TASOR: variants seen among roughly 807,000 people sequenced by gnomAD.
The protein encoded by TASOR is protein TASOR.
In TASOR, 53 loss-of-function variants were observed where a neutral mutation model predicts 178.6. The ratio of observed to expected loss-of-function variants is 0.30; its 90% CI spans 0.24 to 0.37. The LOEUF (loss-of-function observed/expected upper bound fraction) is 0.37, where lower values mean the gene tolerates loss of function less well. Ranked by LOEUF, TASOR falls within the 10% of genes least tolerant of loss-of-function variation. The pLI is 1.00. For synonymous variants in TASOR, 713 were observed against 696.2 expected (o/e 1.02, Z -0.38); for missense variants, 1,815 against 1,971.4 (o/e 0.92, Z 1.50).
intron 2 of TASOR, among the ~76,000 whole-genome samples, chr3:56,673,258 T>C (rs553885327): frequency 6.6e-6 from 1 of 152,126 alleles, no homozygotes; most frequent in South Asian, 2.1e-4. Flanking sequence ...AAAAAAGAGA[T>C]GTCATTTAAA....
chr3:56,674,662 T>C (rs541704489), intron 1 of TASOR, among the ~76,000 whole-genome samples: 1 of 152,334 alleles, frequency 6.6e-6, no homozygotes, highest in South Asian at 2.1e-4. Context: ...CTAGCATTAC[T>C]GGCTTGGAGT....
Position 56,673,671 on chromosome 3 carries a change from A to G in TASOR, c.386T>C (p.Ile129Thr). The change falls in exon 2 of 24, where the codon ATT becomes ACT. Residue 129 changes from isoleucine (I) to threonine (T), a missense_variant. Coordinates refer to ENST00000683822, the MANE Select transcript of TASOR (RefSeq NM_001365635.2). Reference protein sequence around the residue: ...GSREFEDVVNILHSSYLEPTS... With the variant: ...GSREFEDVVNTLHSSYLEPTS... ...TGGTTCAAGGTAAGAAGAATGGAGA[A>G]TATTTACAACATCTTCAAATTCTCG... The G allele has an allele frequency of 6.4e-7, 1 of 1,551,134 alleles. No individual in the cohort carries two copies. The highest frequency in any genetic ancestry group is 8.7e-7 in the Non-Finnish European group (1 of 1,146,808).
chr3:56,682,613 A>T (rs1188612579), intron 1 of TASOR, 63 bp downstream of exon 1: 8 of 1,374,798 alleles, frequency 5.8e-6, no homozygotes, highest in Non-Finnish European at 6.8e-6. Flanking sequence ...AGGAGATAGA[A>T]AGATTCTAAT....
intron 9 of TASOR, among the ~76,000 whole-genome samples, chr3:56,661,309 G>C (rs1338432206): frequency 6.6e-6 from 1 of 152,076 alleles, no homozygotes; most frequent in African/African-American, 2.4e-5. Context: ...ACCACGCTAG[G>C]GTAATTTTGG....
At position 56,683,098 on chromosome 3, in the gene TASOR, G is replaced by A; in HGVS notation, c.-92C>T. On this transcript the variant is annotated 5_prime_UTR_variant, in exon 1 of 24. Coordinates refer to ENST00000683822, the MANE Select transcript of TASOR (RefSeq NM_001365635.2). ...GGCGGGCCAGTCTCGCCGCCGAGCT[G>A]CTCTCAGCCCACCCACCCCCTTCCC... The A allele has an allele frequency of 7.4e-7, 1 of 1,354,154 alleles. No homozygotes were observed. The highest frequency in any genetic ancestry group is 9.8e-7 in the Non-Finnish European group (1 of 1,021,964). The allele number at this position is 1,354,154 out of a possible 1,614,324, so 83.9% of individuals were successfully genotyped here. A position where few individuals can be genotyped will look rare whatever the true frequency, so the allele number is the denominator to read the frequency against.
At chr3:56,666,449 G>T in intron 6 of TASOR, 65 bp from the exon 7 acceptor site, 1 of 1,252,088 alleles carries the variant, frequency 8.0e-7, no homozygotes, top group Non-Finnish European at 1.1e-6. Context: ...ATATTTAACT[G>T]CCTGATTTCT....
At chr3:56,682,177 G>A (rs1208827655) in intron 1 of TASOR, among the ~76,000 whole-genome samples, 2 of 152,204 alleles carry the variant, frequency 1.3e-5, no homozygotes. Flanking sequence ...TCTAAATAAG[G>A]GAGGACGCTG....
rs1248923420 is a variant in TASOR, at chr3:56,682,908, C to G, written c.99G>C (p.Glu33Asp). 7.8e-6 allele frequency: 12 copies of G among 1,539,676 alleles called. No homozygotes were observed. In the Admixed American group the frequency reaches 1.4e-4, roughly 18 times the overall value. The change falls in exon 1 of 24, where the codon GAG becomes GAC. Residue 33 changes from glutamate to aspartate, a missense_variant. By Grantham distance (45) the Glu-to-Asp change is conservative. Transcript: ENST00000683822. ...GDDEMKQALP[E>D]LESSQQNGGG... The stretch of plus-strand genomic sequence containing the variant: ...CGCCATTTTGTTGGGAGGACTCAAG[C>G]TCCGGAAGCGCCTGCTTCATCTCGT...
intron 14 of TASOR, among the ~76,000 whole-genome samples, chr3:56,645,036 G>A (rs1054072008): frequency 6.6e-6 from 1 of 152,210 alleles, no homozygotes; most frequent in African/African-American, 2.4e-5. Context: ...CACTTTGGGA[G>A]GCCGAGGCAG....
intron 1 of TASOR, among the ~76,000 whole-genome samples, chr3:56,675,260 C>T (rs556393246): frequency 1.7e-4 from 26 of 151,710 alleles, no homozygotes; most frequent in Non-Finnish European, 2.9e-4. Flanking sequence ...CTGCAACCTC[C>T]GCGCCTCCCA....
Position 56,646,901 on chromosome 3 carries a change from A to G in TASOR, c.1836T>C (p.Tyr612=). The change falls in exon 14 of 24, where the codon TAT becomes TAC. Residue 612 remains tyrosine (Y), a synonymous_variant. Coordinates refer to ENST00000683822, the MANE Select transcript of TASOR (RefSeq NM_001365635.2). ...LHAYIFRPEV[Y]QLPICKLKEL... Reference sequence around the variant, plus strand: ...CTTTTAATTTACAAATAGGTAACTGATACACTTCAGGCCGAAAAATATAGG... The same window carrying G: ...CTTTTAATTTACAAATAGGTAACTGGTACACTTCAGGCCGAAAAATATAGG... 3.1e-6 allele frequency: 5 copies of G among 1,611,246 alleles called. No individual in the cohort carries two copies. Among genetic ancestry groups the G allele is most frequent in the Non-Finnish European group, 4.2e-6 (5 of 1,179,352 alleles).
intron 7 of TASOR, among the ~76,000 whole-genome samples, chr3:56,665,772 C>A (rs2077696852): frequency 6.6e-6 from 1 of 152,036 alleles, no homozygotes; most frequent in East Asian, 2.0e-4. Flanking sequence ...GAGATCAAGA[C>A]CATCCTGGGT....
At chr3:56,649,083 T>C (rs1302843580) in intron 11 of TASOR, 26 bp from the exon 12 acceptor site, 1 of 1,528,602 alleles carries the variant, frequency 6.5e-7, no homozygotes, top group Non-Finnish European at 8.9e-7. Flanking sequence ...AAGGAAGAAG[T>C]TGTATCTGCT....
At position 56,621,862 on chromosome 3, in the gene TASOR, C is replaced by T. The variant is rs1300092958; in HGVS notation, c.*1175G>A. ...ACCGGTTCTTCTGCTCTGTCACCAC[C>T]TGGGTATTGAAGCCCTATAAAAACA... On this transcript the variant is annotated 3_prime_UTR_variant, in exon 24 of 24. Transcript: ENST00000683822. 8.8e-6 allele frequency: 2 copies of T among 226,626 alleles called. No individual in the cohort carries two copies. Among genetic ancestry groups the T allele is most frequent in the African/African-American group, 4.6e-5 (2 of 43,408 alleles). The allele number at this position is 226,626 out of a possible 1,614,324, so 14.0% of individuals were successfully genotyped here.
intron 15 of TASOR, among the ~76,000 whole-genome samples, chr3:56,640,981 T>C (rs926737052): frequency 6.6e-6 from 1 of 152,216 alleles, no homozygotes; most frequent in Admixed American, 6.5e-5. Context: ...TGCCTCACCT[T>C]TGGGTTCTCT....
rs754251972 is a variant in TASOR at position 56,671,712 on chromosome 3, TAAC to T, written c.478-23_478-21del. 188 of 1,490,976 alleles carry T rather than the reference TAAC, an allele frequency of 1.3e-4. No individual in the cohort carries two copies. Among genetic ancestry groups the T allele is most frequent in the Non-Finnish European group, 1.5e-4 (170 of 1,097,928 alleles). 92.4% of individuals were successfully genotyped at this position (1,490,976 alleles called of 1,614,324 possible). The stretch of plus-strand genomic sequence containing the variant: ...TGTAAACTAAATGAAATTAAAACTA[TAAC>T]AACTACTTAGCATGTGATTATGTTT... On this transcript the variant is annotated intron_variant, in intron 2 of 23. Coordinates refer to ENST00000683822, the MANE Select transcript of TASOR (RefSeq NM_001365635.2).
intron 1 of TASOR, among the ~76,000 whole-genome samples, 176 bp downstream of exon 1, chr3:56,682,500 G>A (rs1467829162): frequency 5.3e-5 from 8 of 151,644 alleles, no homozygotes; most frequent in African/African-American, 1.9e-4. Context: ...TGGTTCCACC[G>A]CTTTCTCTCG....
intron 15 of TASOR, 138 bp downstream of exon 15, chr3:56,641,211 T>C (rs371984107): frequency 1.3e-6 from 1 of 748,766 alleles, no homozygotes; most frequent in Non-Finnish European, 2.1e-6. Flanking sequence ...GGAAGTACCA[T>C]CCTAGACAGG....
At position 56,623,472 on chromosome 3, in the gene TASOR, T is replaced by C; in HGVS notation, c.4578A>G (p.Ser1526=). ...CTTTGGTCTCTTTCTCCCATATTTC[T>C]GAATGAAAATTGCTGCATACTTCTA... is the stretch of plus-strand genomic sequence containing the variant. ...SHIEVCSNFH[S]EIWEKETKGS... Residue 1526 remains serine, a synonymous_variant, in exon 24 of 24, where the codon TCA becomes TCG. Coordinates refer to ENST00000683822, the MANE Select transcript of TASOR (RefSeq NM_001365635.2). 6.2e-7 allele frequency: 1 copy of C among 1,613,440 alleles called. No individual in the cohort carries two copies. The highest frequency in any genetic ancestry group is 8.5e-7 in the Non-Finnish European group (1 of 1,179,970).
Sources: allele counts gnomAD v4.1 joint callset (sites outside exome capture counted in the v4.1 genomes callset), GRCh38; gene constraint gnomAD v4.1.1; transcripts MANE v1.5; gene names NCBI Gene and HGNC (gene_info 2026-07-23, HGNC 2026-07-21).